SLC4A10: variants seen among roughly 807,000 people sequenced by gnomAD.
SLC4A10 encodes sodium-driven chloride bicarbonate exchanger.
In SLC4A10, 42 loss-of-function variants were observed where a neutral mutation model predicts 137.7. The ratio of observed to expected loss-of-function variants is 0.30; its 90% CI spans 0.24 to 0.39. The LOEUF is 0.39. SLC4A10 is among the 10% of genes least tolerant of loss of function. The pLI is 1.00. For missense variants in SLC4A10, 925 were observed against 1,355.0 expected (o/e 0.68, Z 4.98); for synonymous variants, 474 against 464.1 (o/e 1.02, Z -0.27).
intron 1 of SLC4A10, among the ~76,000 whole-genome samples, chr2:161,733,762 G>A (rs1200285072): frequency 3.3e-5 from 5 of 152,174 alleles, no homozygotes; most frequent in African/African-American, 4.8e-5. Flanking sequence ...ATGCCAACCC[G>A]TGAAAGCAGC....
chr2:161,929,118 G>A (rs1689832078), intron 15 of SLC4A10, among the ~76,000 whole-genome samples: 1 of 151,932 alleles, frequency 6.6e-6, no homozygotes, highest in Non-Finnish European at 1.5e-5. Context: ...CCATCTTAGG[G>A]AATTCTATTT....
At chr2:161,626,556 G>A (rs183214288) in intron 1 of SLC4A10, among the ~76,000 whole-genome samples, 1 of 152,178 alleles carries the variant, frequency 6.6e-6, no homozygotes, top group African/African-American at 2.4e-5. Flanking sequence ...TGAGGGGCTA[G>A]AGAGGATGCT....
At chr2:161,902,107 C>T (rs1401160427) in intron 12 of SLC4A10, 1 of 456,402 alleles carries the variant, frequency 2.2e-6, no homozygotes, top group Non-Finnish European at 4.4e-6. Flanking sequence ...GTATCCATTA[C>T]TCATCTGCTC....
At chr2:161,911,566 C>T (rs980349019) in intron 15 of SLC4A10, among the ~76,000 whole-genome samples, 26 of 152,130 alleles carry the variant, frequency 1.7e-4, no homozygotes, top group East Asian at 3.9e-4. Flanking sequence ...TTTTTTGCGA[C>T]GTATACACTT....
intron 15 of SLC4A10, among the ~76,000 whole-genome samples, chr2:161,927,319 T>G (rs1247203973): frequency 6.6e-6 from 1 of 152,230 alleles, no homozygotes; most frequent in East Asian, 1.9e-4. Context: ...TCATCTTCCA[T>G]CACTGATAAC....
At chr2:161,731,579 A>G (rs2046827845) in intron 1 of SLC4A10, among the ~76,000 whole-genome samples, 1 of 152,194 alleles carries the variant, frequency 6.6e-6, no homozygotes, top group South Asian at 2.1e-4. Flanking sequence ...TGAAAGTAGG[A>G]AAATAATAGA....
At chr2:161,881,040 G>C (rs1020532169) in intron 9 of SLC4A10, among the ~76,000 whole-genome samples, 10 of 152,052 alleles carry the variant, frequency 6.6e-5, no homozygotes, top group Admixed American at 6.6e-4. Context: ...TAGAGCAACT[G>C]TATGAGAAAA....
At chr2:161,702,443 G>A (rs1398194447) in intron 1 of SLC4A10, among the ~76,000 whole-genome samples, 1 of 151,740 alleles carries the variant, frequency 6.6e-6, no homozygotes, top group Non-Finnish European at 1.5e-5. Context: ...CTTAGCACTG[G>A]AATAGTGCTT....
Position 161,767,204 on chromosome 2 carries a change from A to G in SLC4A10, c.49-3769A>G, listed in dbSNP as rs796504065. ...TGTGTGTGTGTGTGTGTGTGTGTGT[A>G]TATATATATACACATATATATATAT... is the stretch of plus-strand genomic sequence containing the variant. On this transcript the variant is annotated intron_variant, in intron 1 of 26. Coordinates refer to ENST00000446997, the MANE Select transcript of SLC4A10 (RefSeq NM_001178015.2). Among the ~76,000 whole-genome samples the G allele has an allele frequency of 3.2e-3, 242 of 75,310 alleles. 2 individuals carry two copies. The highest frequency in any genetic ancestry group is 0.016 in the Middle Eastern group (2 of 126). The allele number at this position is 75,310 out of a possible 152,430, so 49.4% of individuals were successfully genotyped here.
chr2:161,643,117 C>A (rs1051527043), intron 1 of SLC4A10, among the ~76,000 whole-genome samples: 11 of 151,882 alleles, frequency 7.2e-5, no homozygotes, highest in Admixed American at 7.2e-4. Context: ...ATATGTAATT[C>A]AATATAGATA....
chr2:161,726,902 C>T (rs62189014), intron 1 of SLC4A10, among the ~76,000 whole-genome samples: 2 of 152,178 alleles, frequency 1.3e-5, no homozygotes, highest in African/African-American at 4.8e-5. Flanking sequence ...GAGCAAGACT[C>T]TGTCTCAAAA....
intron 1 of SLC4A10, among the ~76,000 whole-genome samples, chr2:161,650,615 A>G (rs1470237947): frequency 6.6e-6 from 1 of 152,190 alleles, no homozygotes; most frequent in Non-Finnish European, 1.5e-5. Context: ...CAAGCTTGGA[A>G]GTGCCGGCTC....
At chr2:161,808,033 T>C (rs1393773864) in intron 3 of SLC4A10, among the ~76,000 whole-genome samples, 1 of 152,112 alleles carries the variant, frequency 6.6e-6, no homozygotes, top group African/African-American at 2.4e-5. Context: ...TATATTTTTA[T>C]GAATTTAAAT....
chr2:161,732,601 G>A (rs1194272143), intron 1 of SLC4A10, among the ~76,000 whole-genome samples: 1 of 152,194 alleles, frequency 6.6e-6, no homozygotes, highest in South Asian at 2.1e-4. Context: ...ATTCAAGTTT[G>A]CAGGCTTCCA....
intron 1 of SLC4A10, among the ~76,000 whole-genome samples, chr2:161,634,984 A>C (rs1230813932): frequency 6.6e-6 from 1 of 152,084 alleles, no homozygotes; most frequent in African/African-American, 2.4e-5. Flanking sequence ...TAATTAAAAG[A>C]TAAAAATAAA....
intron 10 of SLC4A10, among the ~76,000 whole-genome samples, chr2:161,888,576 A>G (rs926215780): frequency 2.0e-5 from 3 of 152,162 alleles, no homozygotes; most frequent in Non-Finnish European, 4.4e-5. Flanking sequence ...GAGTTCACTC[A>G]TGATTTGGCT....
rs552663646 is a variant in SLC4A10 at position 161,854,414 on chromosome 2, A to G, written c.417-556A>G. On this transcript the variant is annotated intron_variant, in intron 4 of 26. Transcript: ENST00000446997. Reference sequence around the variant, plus strand: ...CACCCAGGGATGGGGTCTGAGCTCAATTCTCACATATTCAGTCCCTAGGAA... The same window carrying G: ...CACCCAGGGATGGGGTCTGAGCTCAGTTCTCACATATTCAGTCCCTAGGAA... 2.6e-5 allele frequency among the ~76,000 whole-genome samples: 4 copies of G among 152,232 alleles called. No homozygotes were observed. The South Asian group carries it at 6.2e-4, about 24-fold the overall frequency.
intron 2 of SLC4A10, among the ~76,000 whole-genome samples, chr2:161,792,560 C>T (rs895189512): frequency 3.3e-5 from 5 of 152,090 alleles, no homozygotes; most frequent in African/African-American, 4.8e-5. Flanking sequence ...ATTCTTAAAT[C>T]TCTATTTCAG....
chr2:161,866,094 G>A (rs2060726251), intron 6 of SLC4A10, among the ~76,000 whole-genome samples: 1 of 151,888 alleles, frequency 6.6e-6, no homozygotes, highest in South Asian at 2.1e-4. Context: ...TGTTTAATGT[G>A]CTAAAATTAT....
Sources: allele counts gnomAD v4.1 joint callset (sites outside exome capture counted in the v4.1 genomes callset), GRCh38; gene constraint gnomAD v4.1.1; transcripts MANE v1.5; gene names NCBI Gene and HGNC (gene_info 2026-07-23, HGNC 2026-07-21).